The following NBAS variants were observed in gnomAD, a reference collection of about 807,000 sequenced individuals.
NBAS encodes the protein NAG/BC035112 fusion.
In NBAS, 219 loss-of-function variants were observed where a neutral mutation model predicts 302.5. The observed-to-expected ratio is 0.72, with a 90% CI of 0.65 to 0.81. NBAS has a LOEUF of 0.81. Ranked by LOEUF, NBAS falls within the 30% of genes least tolerant of loss-of-function variation. NBAS has a pLI of 0.00. For synonymous variants in NBAS, 1,118 were observed against 1,021.6 expected (o/e 1.09, Z -1.80); for missense variants, 2,932 against 2,841.6 (o/e 1.03, Z -0.72).
At chr2:14,877,296 G>A in the NBAS span, among the ~76,000 whole-genome samples, 5 of 152,202 alleles carry the variant, frequency 3.3e-5, no homozygotes, top group Admixed American at 2.6e-4. Context: ...CTGCTTCTCT[G>A]TCAATTAACT....
the NBAS span, among the ~76,000 whole-genome samples, chr2:15,016,541 T>C: frequency 6.6e-6 from 1 of 152,096 alleles, no homozygotes. Flanking sequence ...AAAATGACCA[T>C]ATTACCCAAA....
At chr2:14,872,890 G>A in the NBAS span, among the ~76,000 whole-genome samples, 13 of 152,218 alleles carry the variant, frequency 8.5e-5, no homozygotes, top group African/African-American at 2.9e-4. Context: ...TGTTCCTCCC[G>A]GTGGGTTTGT....
chr2:15,174,187 C>G lies in NBAS; in HGVS notation c.6840+4801G>C, dbSNP rs543150512. Among the ~76,000 whole-genome samples, 14 of 152,270 alleles carry G rather than the reference C, an allele frequency of 9.2e-5. No individual in the cohort carries two copies. The East Asian group carries it at 2.5e-3, about 27-fold the overall frequency. ...GAAACCTGGACAGAGTTAAAGGGGA[C>G]CAAAGACAGGAAGGTTTCTTGGTTT... On this transcript the variant is annotated intron_variant, in intron 51 of 51. Coordinates refer to ENST00000281513, the MANE Select transcript of NBAS (RefSeq NM_015909.4).
At chr2:15,119,138 T>C in the NBAS span, among the ~76,000 whole-genome samples, 1 of 151,978 alleles carries the variant, frequency 6.6e-6, no homozygotes, top group Non-Finnish European at 1.5e-5. Flanking sequence ...AGAATTCCTC[T>C]GTGTCTCTAG....
Position 15,353,694 on chromosome 2 carries a change from C to T in NBAS, c.3948G>A (p.Trp1316Ter), listed in dbSNP as rs1404494327. The T allele has an allele frequency of 6.2e-7, 1 of 1,613,820 alleles. No homozygotes were observed. The highest frequency in any genetic ancestry group is 1.3e-5 in the African/African-American group (1 of 74,878). The change falls in exon 34 of 52, where the codon TGG becomes TGA. Residue 1316 changes from tryptophan (W) to a stop codon, truncating the protein, a stop_gained. Transcript: ENST00000281513. LOFTEE classifies it high-confidence loss of function. ...ATTGTCCTAACTGGCTACAAACATC[C>T]CAACTTTTAGGATAACCTGCAAAAT... ...ELMATGYPKS[W>*]DVCSQLGQSE...
the NBAS span, among the ~76,000 whole-genome samples, chr2:15,018,070 T>C: frequency 2.0e-5 from 3 of 152,008 alleles, no homozygotes; most frequent in South Asian, 2.1e-4. Flanking sequence ...TTCACTCGTA[T>C]GTAGAAACTT....
chr2:15,550,437 CCATT>C (rs1664321728), intron 6 of NBAS, among the ~76,000 whole-genome samples: 1 of 152,294 alleles, frequency 6.6e-6, no homozygotes, highest in African/African-American at 2.4e-5. Context: ...ACCATGTTTA[CCATT>C]ATTATACTTC....
At position 15,237,698 on chromosome 2, in the gene NBAS, C is replaced by T. The variant is rs370098022; in HGVS notation, c.5943+770G>A. Among the ~76,000 whole-genome samples, 8 of 150,488 alleles carry T rather than the reference C, an allele frequency of 5.3e-5. No individual in the cohort carries two copies. In the East Asian group the frequency reaches 9.8e-4, roughly 18 times the overall value. On this transcript the variant is annotated intron_variant, in intron 45 of 51. Transcript: ENST00000281513. ...GCAACCTCCGCCTCCCAGGATCAAG[C>T]GATTCACCTACCTCAGCCTCCTGAG...
chr2:14,984,236 C>T, the NBAS span, among the ~76,000 whole-genome samples: 34 of 152,190 alleles, frequency 2.2e-4, no homozygotes, highest in Middle Eastern at 0.014. Flanking sequence ...AACTCCACGC[C>T]CTGACTTTAG....
the NBAS span, among the ~76,000 whole-genome samples, chr2:14,895,676 C>A: frequency 1.3e-5 from 2 of 150,568 alleles, no homozygotes; most frequent in Non-Finnish European, 3.0e-5. Context: ...GGAGGTGGAG[C>A]TTGCAGTGAG....
the NBAS span, among the ~76,000 whole-genome samples, chr2:14,796,169 G>A: frequency 6.6e-6 from 1 of 152,136 alleles, no homozygotes; most frequent in Non-Finnish European, 1.5e-5. Context: ...ATATGTGGTG[G>A]GTCTAGTTTT....
the NBAS span, among the ~76,000 whole-genome samples, chr2:14,964,738 C>A: frequency 2.0e-5 from 3 of 152,000 alleles, no homozygotes; most frequent in Non-Finnish European, 4.4e-5. Context: ...GCACAATATG[C>A]ACATTTTAAG....
intron 6 of NBAS, among the ~76,000 whole-genome samples, chr2:15,542,107 A>AG (rs1558426080): frequency 1.2e-5 from 1 of 83,516 alleles, no homozygotes; most frequent in African/African-American, 4.3e-5. Context: ...CTGCCTGGCC[A>AG]CCACCCCGTC....
chr2:14,912,691 T>C, the NBAS span, among the ~76,000 whole-genome samples: 8 of 137,848 alleles, frequency 5.8e-5, no homozygotes, highest in Non-Finnish European at 1.1e-4. Context: ...TTTCTCACCA[T>C]GCATTCATTT....
At chr2:14,912,701 TTTAAA>T in the NBAS span, among the ~76,000 whole-genome samples, 7 of 73,668 alleles carry the variant, frequency 9.5e-5, no homozygotes, top group East Asian at 8.0e-4. Context: ...TGCATTCATT[TTTAAA>T]AAAAAAAAAA....
the NBAS span, among the ~76,000 whole-genome samples, chr2:14,827,224 T>A: frequency 6.6e-6 from 1 of 152,214 alleles, no homozygotes; most frequent in Non-Finnish European, 1.5e-5. Flanking sequence ...AGAAACTGCA[T>A]CTTACTCACA....
rs146709902 is a variant in NBAS at position 15,374,778 on chromosome 2, T to C, written c.3591-58A>G. The C allele has an allele frequency of 1.9e-3, 2,550 of 1,360,452 alleles. 7 individuals are homozygous for C. Among genetic ancestry groups the C allele is most frequent in the Non-Finnish European group, 2.2e-3 (2,094 of 951,270 alleles). The allele number at this position is 1,360,452 out of a possible 1,614,324, so 84.3% of individuals were successfully genotyped here. On this transcript the variant is annotated intron_variant, in intron 30 of 51. Coordinates refer to ENST00000281513, the MANE Select transcript of NBAS (RefSeq NM_015909.4). ...GCAACATATGTTCACCTTTCTATAC[T>C]CAACACCATGAGATCTAACACATAT...
At chr2:14,961,455 C>G in the NBAS span, among the ~76,000 whole-genome samples, 2 of 152,032 alleles carry the variant, frequency 1.3e-5, no homozygotes, top group Non-Finnish European at 2.9e-5. Flanking sequence ...GGCCCCCTCT[C>G]TGCCCATGTG....
chr2:15,505,768 G>A (rs755189524), intron 10 of NBAS, among the ~76,000 whole-genome samples: 5 of 152,084 alleles, frequency 3.3e-5, no homozygotes, highest in Admixed American at 6.5e-5. Flanking sequence ...AAACAACCAC[G>A]AAGCAAAAGA....
Sources: gnomAD v4.1 joint callset for allele counts (sites outside exome capture counted in the v4.1 genomes callset) on GRCh38, gnomAD v4.1.1 for gene constraint, MANE v1.5 for transcripts, NCBI Gene and HGNC (gene_info 2026-07-23, HGNC 2026-07-21) for gene names.